Variants in POR observed in about 807,000 individuals in gnomAD.
POR encodes cytochrome p450 oxidoreductase, also known as NADPH--cytochrome P450 reductase.
POR carries 56 observed loss-of-function variants against 84.0 expected under a neutral mutation model. That is an observed-to-expected ratio of 0.67 (90% CI 0.54 to 0.83). The LOEUF is 0.83. Ranked by LOEUF, POR falls within the 40% of genes least tolerant of loss-of-function variation. POR has a pLI of 0.00. For missense variants in POR, 938 were observed against 944.3 expected (o/e 0.99, Z 0.09); for synonymous variants, 414 against 400.5 (o/e 1.03, Z -0.40).
chr7:75,922,315 T>C (rs551141124), intron 1 of POR, among the ~76,000 whole-genome samples: 2 of 149,910 alleles, frequency 1.3e-5, no homozygotes, highest in East Asian at 3.9e-4. Context: ...GGGTCTGATC[T>C]GTAGTTTTTT....
chr7:75,973,699 T>TTTTTTTTG (rs58991099), intron 3 of POR, among the ~76,000 whole-genome samples: 1 of 136,920 alleles, frequency 7.3e-6, no homozygotes, highest in Non-Finnish European at 1.6e-5. Flanking sequence ...TTTTTTTTTT[T>TTTTTTTTG]GAGACAGAGT....
intron 1 of POR, among the ~76,000 whole-genome samples, chr7:75,939,358 G>A (rs545438267): frequency 4.6e-5 from 7 of 152,196 alleles, no homozygotes; most frequent in South Asian, 4.1e-4. Context: ...GCCCTCGTGC[G>A]GGTTCCAGGC....
At chr7:75,981,196 G>C in intron 6 of POR, 24 bp downstream of exon 6, 1 of 1,521,566 alleles carries the variant, frequency 6.6e-7, no homozygotes, top group Non-Finnish European at 8.9e-7. Context: ...CTGCCACCAT[G>C]ATCAGCGCGG....
intron 1 of POR, among the ~76,000 whole-genome samples, chr7:75,951,439 A>G (rs1300338468): frequency 6.6e-6 from 1 of 152,028 alleles, no homozygotes; most frequent in Non-Finnish European, 1.5e-5. Flanking sequence ...ATTGAGATGA[A>G]CTCAAGCCAT....
intron 2 of POR, among the ~76,000 whole-genome samples, chr7:75,959,064 CTGTAGA>C (rs1315822679): frequency 6.6e-6 from 1 of 152,100 alleles, no homozygotes; most frequent in African/African-American, 2.4e-5. Flanking sequence ...GACATTCAGC[CTGTAGA>C]TGTTATTTTA....
At chr7:75,952,650 C>T (rs1343460380) in intron 1 of POR, among the ~76,000 whole-genome samples, 6 of 149,922 alleles carry the variant, frequency 4.0e-5, no homozygotes, top group South Asian at 4.2e-4. Flanking sequence ...GATGGGGTCG[C>T]GGCCGGGCAG....
chr7:75,984,208 C>G (rs1287286404), intron 10 of POR, among the ~76,000 whole-genome samples: 5 of 152,174 alleles, frequency 3.3e-5, no homozygotes, highest in East Asian at 1.9e-4. Flanking sequence ...GGGCTGCCCC[C>G]ACCTCCTCAC....
At chr7:75,979,414 C>T in intron 3 of POR, 37 bp from the exon 4 acceptor site, 2 of 1,606,660 alleles carry the variant, frequency 1.2e-6, no homozygotes, top group South Asian at 1.1e-5. Context: ...TGGCTGAGGT[C>T]TGTGGCCCTC....
Position 75,938,857 on chromosome 7 carries a change from G to A in POR, c.-4-15132G>A, listed in dbSNP as rs182902159. Among the ~76,000 whole-genome samples the A allele has an allele frequency of 1.3e-3, 197 of 152,278 alleles. 3 individuals are homozygous for A. Among genetic ancestry groups the A allele is most frequent in the African/African-American group, 4.5e-3 (189 of 41,552 alleles). ...AGTTACCCCAGACCCCGAGTTTCTC[G>A]TGTTCTAGGCTCTGGTACACGCTTC... On this transcript the variant is annotated intron_variant, in intron 1 of 15. Coordinates refer to ENST00000461988, the MANE Select transcript of POR (RefSeq NM_000941.3).
chr7:75,922,724 G>A, intron 1 of POR: 1 of 368,172 alleles, frequency 2.7e-6, no homozygotes, highest in African/African-American at 2.1e-5. Context: ...TGGTGGGGTT[G>A]CGCATGTTCA....
In POR at chr7:75,985,565, G is replaced by T; in HGVS notation, c.1399-14G>T. On this transcript the variant is annotated splice_polypyrimidine_tract_variant and intron_variant, in intron 12 of 15. Transcript: ENST00000461988. Reference sequence around the variant, plus strand: ...CTCGGTGTGGCGGTGGAGCTCACACGGCCCTCCCCACAGGTCCACCCCAAC... The same window carrying T: ...CTCGGTGTGGCGGTGGAGCTCACACTGCCCTCCCCACAGGTCCACCCCAAC... 1 of 1,518,272 alleles carries T rather than the reference G, an allele frequency of 6.6e-7. No individual in the cohort carries two copies. The highest frequency in any genetic ancestry group is 2.0e-5 in the Admixed American group (1 of 50,490). The allele number at this position is 1,518,272 out of a possible 1,614,324, so 94.1% of individuals were successfully genotyped here.
At chr7:75,964,868 TTAAAAA>T (rs1395546224) in intron 2 of POR, among the ~76,000 whole-genome samples, 1 of 151,680 alleles carries the variant, frequency 6.6e-6, no homozygotes, top group Non-Finnish European at 1.5e-5. Context: ...CTACAAAAAC[TTAAAAA>T]TAAATTCAAA....
chr7:75,942,829 G>A (rs1273458082), intron 1 of POR, among the ~76,000 whole-genome samples: 6 of 151,980 alleles, frequency 3.9e-5, no homozygotes, highest in African/African-American at 1.5e-4. Context: ...TATAACTGCT[G>A]TTTTGCCTTA....
At chr7:75,953,055 G>A (rs1380328213) in intron 1 of POR, among the ~76,000 whole-genome samples, 4 of 152,208 alleles carry the variant, frequency 2.6e-5, no homozygotes, top group Non-Finnish European at 4.4e-5. Flanking sequence ...ACGAGACTCC[G>A]TCTGCAATCC....
rs72557930 is a variant in POR at position 75,984,931 on chromosome 7, G to A, written c.1221G>A (p.Lys407=). 4 of 1,601,984 alleles carry A rather than the reference G, an allele frequency of 2.5e-6. No individual in the cohort carries two copies. The highest frequency in any genetic ancestry group is 3.4e-6 in the Non-Finnish European group (4 of 1,171,718). ...CCTCGGAGCAGGAGCTGCTGCGCAAGATGGCCTCCTCCTCCGGCGAGGGCA... is the reference window on the plus strand; with the variant it reads ...CCTCGGAGCAGGAGCTGCTGCGCAAAATGGCCTCCTCCTCCGGCGAGGGCA... The change falls in exon 11 of 16, where the codon AAG becomes AAA. Residue 407 remains lysine (K), a synonymous_variant. Coordinates refer to ENST00000461988, the MANE Select transcript of POR (RefSeq NM_000941.3).
intron 1 of POR, among the ~76,000 whole-genome samples, chr7:75,951,424 G>A (rs1275359684): frequency 2.6e-5 from 4 of 152,028 alleles, no homozygotes; most frequent in African/African-American, 9.7e-5. Flanking sequence ...AAAGAAAAAA[G>A]CTAAATTGAG....
At chr7:75,933,457 C>T (rs1198825809) in intron 1 of POR, among the ~76,000 whole-genome samples, 1 of 139,146 alleles carries the variant, frequency 7.2e-6, no homozygotes, top group Non-Finnish European at 1.5e-5. Flanking sequence ...GGCGCGATCT[C>T]GGCTCACTGC....
chr7:75,981,287 C>T, intron 6 of POR, 115 bp downstream of exon 6: 1 of 1,416,056 alleles, frequency 7.1e-7, no homozygotes, highest in Non-Finnish European at 9.3e-7. Flanking sequence ...GCACCTCCAA[C>T]ACAGAGGGAA....
At chr7:75,951,645 T>C (rs563217957) in intron 1 of POR, among the ~76,000 whole-genome samples, 3 of 152,332 alleles carry the variant, frequency 2.0e-5, no homozygotes, top group South Asian at 4.1e-4. Flanking sequence ...TAGTCTCTCA[T>C]TGCCTAATTG....
Sources: gnomAD v4.1 joint callset for allele counts (sites outside exome capture counted in the v4.1 genomes callset) on GRCh38, gnomAD v4.1.1 for gene constraint, MANE v1.5 for transcripts, NCBI Gene and HGNC (gene_info 2026-07-23, HGNC 2026-07-21) for gene names.